SOCS5: variants seen among roughly 807,000 people sequenced by gnomAD.
The protein encoded by SOCS5 is CIS-6.
Under a neutral mutation model 42.8 loss-of-function variants are expected in SOCS5, and 32 were observed. The ratio of observed to expected loss-of-function variants is 0.75; its 90% CI spans 0.56 to 1.01. SOCS5 has a LOEUF of 1.01. Among genes scored for constraint, SOCS5 ranks in the 50% least tolerant of loss-of-function variants. The probability of loss-of-function intolerance (pLI) is 0.00; values close to 1 mark genes in which losing one functional copy is unlikely to be tolerated. For missense variants in SOCS5, 627 were observed against 653.0 expected, an observed-to-expected ratio of 0.96 and a Z score of 0.43; for synonymous variants, 283 against 229.6, an observed-to-expected ratio of 1.23 and a Z score of -2.10.
intron 1 of SOCS5, among the ~76,000 whole-genome samples, chr2:46,723,518 A>G (rs1259181406): frequency 6.6e-6 from 1 of 152,052 alleles, no homozygotes; most frequent in African/African-American, 2.4e-5. Context: ...AATTGTTACA[A>G]CACCTATTGT....
At chr2:46,711,921 T>G (rs1273623074) in intron 1 of SOCS5, among the ~76,000 whole-genome samples, 1 of 152,226 alleles carries the variant, frequency 6.6e-6, no homozygotes, top group Non-Finnish European at 1.5e-5. Flanking sequence ...CTCTAAACTC[T>G]ATTCTGTTCA....
At chr2:46,738,977 A>G (rs1271803751) in intron 1 of SOCS5, among the ~76,000 whole-genome samples, 1 of 152,240 alleles carries the variant, frequency 6.6e-6, no homozygotes, top group Non-Finnish European at 1.5e-5. Context: ...GAATAATGTC[A>G]TATCAATGAG....
At chr2:46,726,347 C>T (rs1045950756) in intron 1 of SOCS5, among the ~76,000 whole-genome samples, 3 of 152,132 alleles carry the variant, frequency 2.0e-5, no homozygotes, top group African/African-American at 7.2e-5. Context: ...CCACCCGCCT[C>T]GACCTCCCAA....
chr2:46,741,672 A>G lies in SOCS5; in HGVS notation c.-12-16847A>G, dbSNP rs1299754158. On this transcript the variant is annotated intron_variant, in intron 1 of 1. Transcript: ENST00000394861. ...TGTTTAGTTGTACTATTTTATAACC[A>G]TTTTTATTTAATATCATGAACATTA... Among the ~76,000 whole-genome samples the G allele has an allele frequency of 2.0e-5, 3 of 152,284 alleles. No individual in the cohort carries two copies. In the East Asian group the frequency reaches 5.8e-4, roughly 29 times the overall value.
intron 1 of SOCS5, among the ~76,000 whole-genome samples, chr2:46,725,614 C>T (rs1406922049): frequency 6.6e-6 from 1 of 152,100 alleles, no homozygotes; most frequent in Non-Finnish European, 1.5e-5. Context: ...ACATATAAAA[C>T]CCCATCAGAC....
chr2:46,702,582 A>G (rs1294103170), intron 1 of SOCS5, among the ~76,000 whole-genome samples: 1 of 152,236 alleles, frequency 6.6e-6, no homozygotes, highest in African/African-American at 2.4e-5. Flanking sequence ...AAGGTCTATT[A>G]TTGATCTCAG....
rs973236379 is a variant in SOCS5, at chr2:46,699,337, G to A, written c.-125G>A. Reference sequence around the variant, plus strand: ...CTGCGCTCGCTGGGCAGTCGGAGGGGACGGGACGCACCGGAGGGCAGGCGG... The same window carrying A: ...CTGCGCTCGCTGGGCAGTCGGAGGGAACGGGACGCACCGGAGGGCAGGCGG... On this transcript the variant is annotated 5_prime_UTR_variant, in exon 1 of 2. Coordinates refer to ENST00000394861, the MANE Select transcript of SOCS5 (RefSeq NM_144949.3). This position sits in a 1 kb window ranked among gnomAD's most constrained non-coding sequence, Gnocchi z 4.8. The A allele has an allele frequency of 6.6e-6, 1 of 152,126 alleles. No homozygotes were observed. Among genetic ancestry groups the A allele is most frequent in the South Asian group, 2.1e-4 (1 of 4,842 alleles). The allele number at this position is 152,126 out of a possible 1,614,324, so 9.4% of individuals were successfully genotyped here.
intron 1 of SOCS5, among the ~76,000 whole-genome samples, chr2:46,738,282 T>C (rs1348496759): frequency 6.6e-6 from 1 of 152,148 alleles, no homozygotes. Flanking sequence ...TAAGGTGTTG[T>C]AGAAATCTAG....
intron 1 of SOCS5, among the ~76,000 whole-genome samples, chr2:46,710,768 C>G (rs1206171076): frequency 1.3e-5 from 2 of 152,184 alleles, no homozygotes; most frequent in Non-Finnish European, 2.9e-5. Flanking sequence ...TTAGTTTTGA[C>G]AATTAATACA....
chr2:46,713,969 G>C (rs546132597), intron 1 of SOCS5, among the ~76,000 whole-genome samples: 1 of 152,104 alleles, frequency 6.6e-6, no homozygotes, highest in South Asian at 2.1e-4. Flanking sequence ...GTATCCTTTT[G>C]TTACTGTGTT....
At chr2:46,745,783 T>C (rs916265966) in intron 1 of SOCS5, among the ~76,000 whole-genome samples, 3 of 152,172 alleles carry the variant, frequency 2.0e-5, no homozygotes, top group Non-Finnish European at 1.5e-5. Context: ...TTTTTAACCA[T>C]TTGAAATTTA....
intron 1 of SOCS5, among the ~76,000 whole-genome samples, chr2:46,731,521 C>G (rs931130697): frequency 6.6e-6 from 1 of 152,176 alleles, no homozygotes; most frequent in South Asian, 2.1e-4. Context: ...AGTTTACTGT[C>G]TATTGAAATA....
At chr2:46,710,741 T>G (rs1276426532) in intron 1 of SOCS5, among the ~76,000 whole-genome samples, 1 of 152,238 alleles carries the variant, frequency 6.6e-6, no homozygotes, top group Non-Finnish European at 1.5e-5. Flanking sequence ...AGGTTCAAGA[T>G]GTACCTAAGT....
chr2:46,731,594 G>A (rs1673126525), intron 1 of SOCS5, among the ~76,000 whole-genome samples: 1 of 152,212 alleles, frequency 6.6e-6, no homozygotes, highest in African/African-American at 2.4e-5. Flanking sequence ...AAGGACTGTG[G>A]ATGTGGTATG....
intron 1 of SOCS5, among the ~76,000 whole-genome samples, chr2:46,748,217 ACT>A (rs1475761049): frequency 7.2e-6 from 1 of 138,146 alleles, no homozygotes; most frequent in African/African-American, 2.7e-5. Flanking sequence ...ACACAGTCTC[ACT>A]CTGTCACCCA....
chr2:46,703,055 A>T (rs1387820263), intron 1 of SOCS5, among the ~76,000 whole-genome samples: 2 of 152,172 alleles, frequency 1.3e-5, no homozygotes, highest in Non-Finnish European at 2.9e-5. Context: ...TTTAATGAGT[A>T]TGTTTTAACA....
rs998568091 is a variant in SOCS5, at chr2:46,717,379, A to G, written c.-13+17930A>G. 2.0e-5 allele frequency among the ~76,000 whole-genome samples: 3 copies of G among 152,042 alleles called. No individual in the cohort carries two copies. In the South Asian group the frequency reaches 6.2e-4, roughly 31 times the overall value. On this transcript the variant is annotated intron_variant, in intron 1 of 1. Transcript: ENST00000394861. ...TTGCCTCTTATCTCGTGTGAAAACT[A>G]TTGTTTGGTATTTTGTCTAGTTTTC...
At chr2:46,744,522 T>TA (rs1673455475) in intron 1 of SOCS5, among the ~76,000 whole-genome samples, 1 of 151,684 alleles carries the variant, frequency 6.6e-6, no homozygotes, top group Admixed American at 6.6e-5. Context: ...TTCAAAATAA[T>TA]AAAGACTTTT....
At chr2:46,754,673 T>A (rs1673696006) in intron 1 of SOCS5, among the ~76,000 whole-genome samples, 1 of 152,204 alleles carries the variant, frequency 6.6e-6, no homozygotes. Context: ...TTGAATTATA[T>A]GTTTATTTTT....
Sources: gnomAD v4.1 joint callset for allele counts (sites outside exome capture counted in the v4.1 genomes callset) on GRCh38, gnomAD v4.1.1 for gene constraint, Gnocchi (gnomAD v3.1) non-coding constraint, MANE v1.5 for transcripts, NCBI Gene and HGNC (gene_info 2026-07-23, HGNC 2026-07-21) for gene names.